The following C1orf141 variants were observed in gnomAD, a reference collection of about 807,000 sequenced individuals.
C1orf141 encodes the protein uncharacterized protein C1orf141.
Under a neutral mutation model 23.2 loss-of-function variants are expected in C1orf141, and 19 were observed. That is an observed-to-expected ratio of 0.82 (90% CI 0.57 to 1.20). The LOEUF (loss-of-function observed/expected upper bound fraction) is 1.20. Among genes scored for constraint, C1orf141 ranks in the 50% most tolerant of loss-of-function variants. The probability of loss-of-function intolerance (pLI) is 0.00; values close to 1 mark genes in which losing one functional copy is unlikely to be tolerated. For synonymous variants in C1orf141, 153 were observed against 154.6 expected, an observed-to-expected ratio of 0.99 and a Z score of 0.08; for missense variants, 469 against 455.1, an observed-to-expected ratio of 1.03 and a Z score of -0.28.
chr1:67,113,307 G>C (rs546224297), intron 5 of C1orf141, among the ~76,000 whole-genome samples: 5 of 152,062 alleles, frequency 3.3e-5, no homozygotes, highest in Non-Finnish European at 7.4e-5. Context: ...GAAGGCCAGG[G>C]AGGTAGGGAA....
intron 5 of C1orf141, among the ~76,000 whole-genome samples, chr1:67,097,762 CTGT>C (rs995926851): frequency 3.9e-5 from 6 of 151,966 alleles, no homozygotes; most frequent in Admixed American, 2.0e-4. Flanking sequence ...AATTAGGAGG[CTGT>C]TGTTGTTGTC....
intron 5 of C1orf141, among the ~76,000 whole-genome samples, chr1:67,099,003 TG>T (rs1362514934): frequency 1.3e-5 from 2 of 152,120 alleles, no homozygotes; most frequent in Non-Finnish European, 2.9e-5. Flanking sequence ...AAAAACAGAC[TG>T]CAAGTCTTGG....
chr1:67,137,337 T>G (rs1319092611), upstream of C1orf141, among the ~76,000 whole-genome samples: 2 of 152,200 alleles, frequency 1.3e-5, no homozygotes, highest in Non-Finnish European at 2.9e-5. Flanking sequence ...ATAACAAATG[T>G]GGAGCTTTTA....
intron 5 of C1orf141, among the ~76,000 whole-genome samples, chr1:67,106,673 A>G (rs1158219596): frequency 1.3e-5 from 2 of 152,098 alleles, no homozygotes; most frequent in African/African-American, 2.4e-5. Flanking sequence ...CAAAAACAGA[A>G]ACCAGCCAAA....
chr1:67,111,306 C>T (rs931105254), intron 5 of C1orf141, among the ~76,000 whole-genome samples: 1 of 151,988 alleles, frequency 6.6e-6, no homozygotes, highest in African/African-American at 2.4e-5. Flanking sequence ...TTTTATGATG[C>T]TCTGTCTTAA....
intron 4 of C1orf141, among the ~76,000 whole-genome samples, chr1:67,118,739 A>T (rs1056771711): frequency 2.6e-5 from 4 of 152,276 alleles, no homozygotes; most frequent in African/African-American, 9.6e-5. Context: ...TTCTAAGAAG[A>T]GTTGGTCTAA....
rs1265283655 is a variant in C1orf141 at position 67,125,735 on chromosome 1, G to A, written c.233+17C>T. 3 of 1,608,918 alleles carry A rather than the reference G, an allele frequency of 1.9e-6. No individual in the cohort carries two copies. Among genetic ancestry groups the A allele is most frequent in the East Asian group, 2.2e-5 (1 of 44,864 alleles). ...ACAAATTCTGAACTGAAAATTTAAG[G>A]TGGTTATGATAGTTACATTTTTGAT... On this transcript the variant is annotated intron_variant, in intron 4 of 7. Coordinates refer to ENST00000684719, the MANE Select transcript of C1orf141 (RefSeq NM_001276351.2).
intron 4 of C1orf141, among the ~76,000 whole-genome samples, chr1:67,116,288 T>C (rs1349447111): frequency 1.3e-5 from 2 of 152,186 alleles, no homozygotes; most frequent in Non-Finnish European, 2.9e-5. Context: ...CAGAAATCTT[T>C]TATTTCTCTT....
intron 4 of C1orf141, 168 bp downstream of exon 4, chr1:67,125,584 A>T: frequency 1.5e-6 from 1 of 683,402 alleles, no homozygotes; most frequent in Non-Finnish European, 2.6e-6. Flanking sequence ...CTGTAGTCCC[A>T]GCTACTCTGG....
chr1:67,101,715 A>G (rs1275429834), intron 5 of C1orf141, among the ~76,000 whole-genome samples: 4 of 151,882 alleles, frequency 2.6e-5, no homozygotes, highest in African/African-American at 9.7e-5. Flanking sequence ...TGTGTTATTC[A>G]TTTTGGCCAG....
At chr1:67,112,572 T>C (rs1353471013) in intron 5 of C1orf141, among the ~76,000 whole-genome samples, 1 of 151,830 alleles carries the variant, frequency 6.6e-6, no homozygotes, top group Non-Finnish European at 1.5e-5. Flanking sequence ...AGTGTGGTGG[T>C]GTGTCTGTAG....
rs748993037 is a variant in C1orf141, at chr1:67,096,264, T to C, written c.404A>G (p.Asp135Gly). The stretch of plus-strand genomic sequence containing the variant: ...TAAAATAAATTACCTTTTATTTCTA[T>C]CACCTTCTAAGAGACCAACAGAATC... ...PLDSVGLLEG[D>G]RNKRKKSPQM... is the part of the protein sequence containing the mutation. Residue 135 changes from aspartate to glycine, a missense_variant, in exon 6 of 8, where the codon GAT (aspartate) becomes GGT (glycine). Physicochemically the swap from Asp to Gly is moderately conservative, Grantham distance 94 (BLOSUM62 -1). Transcript: ENST00000684719. The C allele has an allele frequency of 4.7e-6, 7 of 1,484,342 alleles. No homozygotes were observed. The African/African-American group carries it at 8.5e-5, about 18-fold the overall frequency. The allele number at this position is 1,484,342 out of a possible 1,614,324, so 91.9% of individuals were successfully genotyped here.
intron 6 of C1orf141, 157 bp downstream of exon 6, chr1:67,096,095 G>A: frequency 2.1e-6 from 1 of 465,900 alleles, no homozygotes. Context: ...GTCTGGATGT[G>A]ATATCTAGTG....
At chr1:67,106,358 C>T (rs577147900) in intron 5 of C1orf141, among the ~76,000 whole-genome samples, 2 of 152,202 alleles carry the variant, frequency 1.3e-5, no homozygotes, top group South Asian at 4.2e-4. Context: ...TATAACTATG[C>T]TTGATGGGTC....
At chr1:67,107,401 A>C (rs1363436543) in intron 5 of C1orf141, among the ~76,000 whole-genome samples, 1 of 152,220 alleles carries the variant, frequency 6.6e-6, no homozygotes, top group Non-Finnish European at 1.5e-5. Flanking sequence ...CACCAATTAC[A>C]TTAAACATTA....
chr1:67,131,786 CTTTTTTTTTTTT>C (rs796496335), intron 1 of C1orf141, among the ~76,000 whole-genome samples: 10 of 121,516 alleles, frequency 8.2e-5, no homozygotes, highest in African/African-American at 3.3e-4. Context: ...ACTACCTCTT[CTTTTTTTTTTTT>C]TTTTTTTTTG....
In C1orf141 at chr1:67,096,303, G is replaced by T; in HGVS notation, c.365C>A (p.Pro122His). Reference protein sequence around the residue: ...SESTAQIEKKPRKPLDSVGLL... With the variant: ...SESTAQIEKKHRKPLDSVGLL... ...ACCAACAGAATCCAATGGTTTCCTA[G>T]GTTTTTTTTCAATTTGAGCTGAAAT... is the stretch of plus-strand genomic sequence containing the variant. Residue 122 changes from proline (P) to histidine (H), a missense_variant, in exon 6 of 8, where the codon CCT (proline) becomes CAT (histidine). Physicochemically the swap from Pro to His is moderately conservative, Grantham distance 77 (BLOSUM62 -2). This residue lies in a region of C1orf141 where 370 missense variants were observed against 348.1 expected (regional missense o/e 1.06). Transcript: ENST00000684719. 6.5e-7 allele frequency: 1 copy of T among 1,527,078 alleles called. No individual in the cohort carries two copies. The highest frequency in any genetic ancestry group is 8.9e-7 in the Non-Finnish European group (1 of 1,124,622). 94.6% of individuals were successfully genotyped at this position (1,527,078 alleles called of 1,614,324 possible).
At chr1:67,124,915 CACT>C (rs1368425150) in intron 4 of C1orf141, among the ~76,000 whole-genome samples, 1 of 152,200 alleles carries the variant, frequency 6.6e-6, no homozygotes, top group African/African-American at 2.4e-5. Flanking sequence ...ACAGTATCCA[CACT>C]ACTACCAATG....
intron 4 of C1orf141, among the ~76,000 whole-genome samples, chr1:67,124,415 C>A (rs1646362700): frequency 6.6e-6 from 1 of 152,128 alleles, no homozygotes; most frequent in African/African-American, 2.4e-5. Flanking sequence ...CGAGTTCAAG[C>A]AATTCTCATG....
Sources: allele counts gnomAD v4.1 joint callset (sites outside exome capture counted in the v4.1 genomes callset), GRCh38; gene constraint gnomAD v4.1.1; regional missense constraint gnomAD v4.1.1; transcripts MANE v1.5; gene names NCBI Gene and HGNC (gene_info 2026-07-23, HGNC 2026-07-21).